Variants in TSHZ2 observed in about 807,000 individuals in gnomAD.
TSHZ2 encodes the protein teashirt homolog 2.
Under a neutral mutation model 74.4 loss-of-function variants are expected in TSHZ2, and 21 were observed. The ratio of observed to expected loss-of-function variants is 0.28; its 90% CI spans 0.20 to 0.41. The LOEUF (loss-of-function observed/expected upper bound fraction) is 0.41. Among genes scored for constraint, TSHZ2 ranks in the 10% least tolerant of loss-of-function variants. TSHZ2 has a pLI of 1.00. For missense variants in TSHZ2, 1,244 were observed against 1,293.5 expected (o/e 0.96, Z 0.59); for synonymous variants, 540 against 515.3 (o/e 1.05, Z -0.65).
chr20:53,302,413 ATT>A (rs1978346629), intron 2 of TSHZ2, among the ~76,000 whole-genome samples: 1 of 152,156 alleles, frequency 6.6e-6, no homozygotes, highest in African/African-American at 2.4e-5. Flanking sequence ...TTAGTGAATA[ATT>A]TTTATTCTCT....
At chr20:53,197,030 A>G (rs1472549998) in intron 1 of TSHZ2, among the ~76,000 whole-genome samples, 2 of 152,166 alleles carry the variant, frequency 1.3e-5, no homozygotes, top group African/African-American at 4.8e-5. Context: ...TTCTCTCTCC[A>G]TAATCGGTAA....
chr20:53,032,543 A>C (rs1983677769), intron 1 of TSHZ2, among the ~76,000 whole-genome samples: 1 of 152,168 alleles, frequency 6.6e-6, no homozygotes, highest in South Asian at 2.1e-4. Context: ...AGGTCTTGAG[A>C]TAGGGTTTCA....
At chr20:53,168,984 A>G (rs1476729966) in intron 1 of TSHZ2, 1 of 152,244 alleles carries the variant, frequency 6.6e-6, no homozygotes, top group African/African-American at 2.4e-5. Flanking sequence ...TTACAAATAA[A>G]CAATAGTTAT....
intron 1 of TSHZ2, among the ~76,000 whole-genome samples, chr20:53,162,485 AAG>A (rs1171965974): frequency 6.6e-6 from 1 of 152,168 alleles, no homozygotes; most frequent in Non-Finnish European, 1.5e-5. Flanking sequence ...TCTGATGGTA[AAG>A]AGATGAGATC....
chr20:53,288,506 G>A (rs937474390), intron 2 of TSHZ2, among the ~76,000 whole-genome samples: 2 of 151,888 alleles, frequency 1.3e-5, no homozygotes, highest in Non-Finnish European at 2.9e-5. Context: ...TCACATCTGT[G>A]TTTTTTTGCC....
intron 1 of TSHZ2, among the ~76,000 whole-genome samples, chr20:53,249,472 G>A (rs1408702904): frequency 6.6e-6 from 1 of 152,176 alleles, no homozygotes; most frequent in Non-Finnish European, 1.5e-5. Context: ...TCAGAGTCTG[G>A]TAAGTGCTCC....
At chr20:53,005,979 T>C (rs796853514) in intron 1 of TSHZ2, among the ~76,000 whole-genome samples, 1 of 152,226 alleles carries the variant, frequency 6.6e-6, no homozygotes, top group East Asian at 1.9e-4. Context: ...ATGGAATGTA[T>C]TTAATAGTTA....
intron 2 of TSHZ2, among the ~76,000 whole-genome samples, chr20:53,428,759 C>T (rs1053420553): frequency 6.6e-6 from 1 of 152,164 alleles, no homozygotes; most frequent in Non-Finnish European, 1.5e-5. Flanking sequence ...ACTGATACTC[C>T]TCTTCCACAT....
At chr20:52,974,307 C>T (rs1981246772) in intron 1 of TSHZ2, among the ~76,000 whole-genome samples, 1 of 152,078 alleles carries the variant, frequency 6.6e-6, no homozygotes, top group Non-Finnish European at 1.5e-5. Flanking sequence ...CATCTCGCTG[C>T]CTTTGATCTA....
intron 1 of TSHZ2, among the ~76,000 whole-genome samples, chr20:53,127,626 C>T (rs1452552986): frequency 1.3e-5 from 2 of 152,168 alleles, no homozygotes; most frequent in African/African-American, 4.8e-5. Context: ...AATGAACCAA[C>T]CATGGAAAGA....
At chr20:53,317,196 G>A (rs2145513726) in intron 2 of TSHZ2, among the ~76,000 whole-genome samples, 1 of 152,286 alleles carries the variant, frequency 6.6e-6, no homozygotes, top group Non-Finnish European at 1.5e-5. Flanking sequence ...CCAGGCCACA[G>A]GACCAAAAGG....
chr20:52,991,411 G>A (rs1255103009), intron 1 of TSHZ2, among the ~76,000 whole-genome samples: 2 of 144,982 alleles, frequency 1.4e-5, no homozygotes, highest in Admixed American at 6.9e-5. Context: ...GTTGTGGGGG[G>A]AGAGAGTGTG....
chr20:53,271,142 G>C (rs1396553626), intron 2 of TSHZ2, among the ~76,000 whole-genome samples: 2 of 152,208 alleles, frequency 1.3e-5, no homozygotes, highest in Non-Finnish European at 2.9e-5. Flanking sequence ...CCAGAGACAG[G>C]GAGTTCCTGA....
At chr20:53,336,391 A>G (rs762151124) in intron 2 of TSHZ2, among the ~76,000 whole-genome samples, 1 of 152,226 alleles carries the variant, frequency 6.6e-6, no homozygotes, top group Non-Finnish European at 1.5e-5. Context: ...TAGCTAGTAT[A>G]TTTTATTAAA....
chr20:53,338,073 C>CCCTCCATCTCCTCTT (rs1980028257), intron 2 of TSHZ2, among the ~76,000 whole-genome samples: 1 of 152,210 alleles, frequency 6.6e-6, no homozygotes, highest in Non-Finnish European at 1.5e-5. Context: ...CAGGGACACA[C>CCCTCCATCTCCTCTT]CATAGTGTGT....
intron 1 of TSHZ2, among the ~76,000 whole-genome samples, chr20:53,112,179 G>A (rs970332377): frequency 1.3e-5 from 2 of 152,206 alleles, no homozygotes; most frequent in Non-Finnish European, 2.9e-5. Context: ...GGAGGGGCCA[G>A]CTGAGAGCCC....
chr20:53,305,854 T>C (rs1381912013), intron 2 of TSHZ2, among the ~76,000 whole-genome samples: 1 of 151,998 alleles, frequency 6.6e-6, no homozygotes, highest in East Asian at 1.9e-4. Flanking sequence ...GGTGTGCACC[T>C]GTAGTCCCAG....
At chr20:53,031,002 C>A (rs1428459236) in intron 1 of TSHZ2, among the ~76,000 whole-genome samples, 5 of 151,996 alleles carry the variant, frequency 3.3e-5, no homozygotes, top group Admixed American at 3.3e-4. Flanking sequence ...TGAATGTGGG[C>A]TTTATTTTTT....
chr20:53,006,181 G>T (rs1015054020), intron 1 of TSHZ2, among the ~76,000 whole-genome samples: 10 of 152,182 alleles, frequency 6.6e-5, no homozygotes, highest in Non-Finnish European at 1.3e-4. Flanking sequence ...TCTGTTCCCA[G>T]ACAGACTCAC....
Sources: gnomAD v4.1 joint callset for allele counts (sites outside exome capture counted in the v4.1 genomes callset) on GRCh38, gnomAD v4.1.1 for gene constraint, MANE v1.5 for transcripts, NCBI Gene and HGNC (gene_info 2026-07-23, HGNC 2026-07-21) for gene names.